The following ANGPT2 variants were observed in gnomAD, a reference collection of about 807,000 sequenced individuals.
ANGPT2 encodes angiopoietin-2.
Under a neutral mutation model 62.9 loss-of-function variants are expected in ANGPT2, and 28 were observed. The ratio of observed to expected loss-of-function variants is 0.44; its 90% CI spans 0.33 to 0.61. The LOEUF (loss-of-function observed/expected upper bound fraction) is 0.61, where lower values mean the gene tolerates loss of function less well. Ranked by LOEUF, ANGPT2 falls within the 20% of genes least tolerant of loss-of-function variation. The pLI is 0.03. For missense variants in ANGPT2, 727 were observed against 594.9 expected (o/e 1.22, Z -2.31); for synonymous variants, 284 against 207.8 (o/e 1.37, Z -3.15).
chr8:6,536,048 C>A (rs962830153), intron 1 of ANGPT2, among the ~76,000 whole-genome samples: 3 of 151,898 alleles, frequency 2.0e-5, no homozygotes, highest in Admixed American at 2.0e-4. Context: ...CAGAGTGAGA[C>A]CTTGTCTCAA....
chr8:6,551,144 A>G (rs1440879833), intron 1 of ANGPT2, among the ~76,000 whole-genome samples: 1 of 152,188 alleles, frequency 6.6e-6, no homozygotes, highest in East Asian at 1.9e-4. Flanking sequence ...ATCTGTGCTG[A>G]TGCTGACTTA....
intron 1 of ANGPT2, among the ~76,000 whole-genome samples, chr8:6,537,597 A>G (rs1006498934): frequency 3.3e-5 from 5 of 151,844 alleles, no homozygotes; most frequent in Non-Finnish European, 2.9e-5. Context: ...AGTGCAAAAT[A>G]TGTTCTGAAG....
intron 1 of ANGPT2, among the ~76,000 whole-genome samples, chr8:6,557,228 C>G (rs1014237551): frequency 2.0e-5 from 3 of 152,148 alleles, no homozygotes; most frequent in Non-Finnish European, 4.4e-5. Context: ...GCTGGGCAAT[C>G]CATACAAGGC....
rs78662277 is a variant in ANGPT2, at chr8:6,499,670, T to C, written c.*3431A>G. 6,914 of 573,610 alleles carry C rather than the reference T, an allele frequency of 0.012. 392 individuals are homozygous for C. Among genetic ancestry groups the C allele is most frequent in the African/African-American group, 0.11 (6,027 of 53,536 alleles). The allele number at this position is 573,610 out of a possible 1,614,324, so 35.5% of individuals were successfully genotyped here. On this transcript the variant is annotated 3_prime_UTR_variant, in exon 9 of 9. Transcript: ENST00000629816. Reference sequence around the variant, plus strand: ...TGAGACTTTTTCTCAATCAACTTTTTATTAATATTCATAACATTTATGCAA... The same window carrying C: ...TGAGACTTTTTCTCAATCAACTTTTCATTAATATTCATAACATTTATGCAA...
intron 1 of ANGPT2, among the ~76,000 whole-genome samples, chr8:6,532,710 G>A (rs1008073195): frequency 6.6e-6 from 1 of 152,004 alleles, no homozygotes; most frequent in Non-Finnish European, 1.5e-5. Context: ...GTCACATCAT[G>A]TAAAGGAGGG....
At chr8:6,514,806 G>T (rs1341144243) in intron 5 of ANGPT2, 28 bp from the exon 6 acceptor site, 1 of 1,596,748 alleles carries the variant, frequency 6.3e-7, no homozygotes, top group African/African-American at 1.3e-5. Flanking sequence ...GGGTATAAGT[G>T]ACAGAGCCCC....
Position 6,524,223 on chromosome 8 carries a change from G to A in ANGPT2, c.567-2813C>T, listed in dbSNP as rs556551965. ...CCTTTTTTGAGTCCCGTATAAGTCA[G>A]CTGTCTTATTTAATAATGAAATATG... On this transcript the variant is annotated intron_variant, in intron 3 of 8. Coordinates refer to ENST00000629816, the MANE Select transcript of ANGPT2 (RefSeq NM_001118887.2). 9.2e-5 allele frequency among the ~76,000 whole-genome samples: 14 copies of A among 152,220 alleles called. 1 individual carries two copies. The highest frequency in any genetic ancestry group is 3.1e-4 in the African/African-American group (13 of 41,528).
chr8:6,508,699 G>C (rs1181289889), intron 8 of ANGPT2: 1 of 624,794 alleles, frequency 1.6e-6, no homozygotes, highest in Non-Finnish European at 2.8e-6. Context: ...CCAGGGCTAG[G>C]TCCTGAGGAG....
chr8:6,521,509 T>G lies in ANGPT2; in HGVS notation c.567-99A>C, dbSNP rs1817331384. ...TCTCCAAGGTACTCTGTTAAGATATTGTAGTGGTTATAAAGTAATATGATG... is the reference window on the plus strand; with the variant it reads ...TCTCCAAGGTACTCTGTTAAGATATGGTAGTGGTTATAAAGTAATATGATG... On this transcript the variant is annotated intron_variant, in intron 3 of 8. Transcript: ENST00000629816. 5.6e-6 allele frequency: 5 copies of G among 886,136 alleles called. No homozygotes were observed. The East Asian group carries it at 1.3e-4, about 24-fold the overall frequency. 54.9% of individuals were successfully genotyped at this position (886,136 alleles called of 1,614,324 possible).
Position 6,563,080 on chromosome 8 carries a change from C to T in ANGPT2, c.-146G>A, listed in dbSNP as rs913020708. On this transcript the variant is annotated 5_prime_UTR_variant, in exon 1 of 9. Transcript: ENST00000629816. The stretch of plus-strand genomic sequence containing the variant: ...GAAAGTCTTCTCTTTCCTCTTTTTC[C>T]AGTAGCAAACCTGGTTTTTACTGCT... 3.5e-6 allele frequency: 3 copies of T among 852,400 alleles called. No homozygotes were observed. Among genetic ancestry groups the T allele is most frequent in the Non-Finnish European group, 5.2e-6 (3 of 574,276 alleles). 52.8% of individuals were successfully genotyped at this position (852,400 alleles called of 1,614,324 possible). A position where few individuals can be genotyped will look rare whatever the true frequency, so the allele number is the denominator to read the frequency against.
chr8:6,507,154 T>G (rs886944588), intron 8 of ANGPT2, among the ~76,000 whole-genome samples: 5 of 152,182 alleles, frequency 3.3e-5, no homozygotes, highest in African/African-American at 4.8e-5. Flanking sequence ...CACCTTGGCC[T>G]CCCAAAGTGC....
chr8:6,512,507 C>G (rs976461522), intron 7 of ANGPT2, among the ~76,000 whole-genome samples: 9 of 152,152 alleles, frequency 5.9e-5, no homozygotes, highest in African/African-American at 2.2e-4. Context: ...AATGTGTGCT[C>G]CATGATCACG....
intron 1 of ANGPT2, 120 bp from the exon 2 acceptor site, chr8:6,532,607 T>G: frequency 1.4e-6 from 1 of 717,430 alleles, no homozygotes; most frequent in Non-Finnish European, 2.0e-6. Flanking sequence ...TCAAAAGACT[T>G]GTACCTTGCC....
At chr8:6,504,337 A>AAG (rs1812834495) in intron 8 of ANGPT2, among the ~76,000 whole-genome samples, 1 of 149,670 alleles carries the variant, frequency 6.7e-6, no homozygotes, top group Non-Finnish European at 1.5e-5. Flanking sequence ...AAAAAAAAAA[A>AAG]GAATGTATAA....
At chr8:6,542,761 G>C (rs1259277187) in intron 1 of ANGPT2, among the ~76,000 whole-genome samples, 1 of 152,144 alleles carries the variant, frequency 6.6e-6, no homozygotes, top group Non-Finnish European at 1.5e-5. Context: ...GTGGAGCTCT[G>C]TGGAGGAGGT....
chr8:6,503,085 A>C lies in ANGPT2; in HGVS notation c.*16T>G. ...TGAAAATAGTTCGAGACAGTTCCTC[A>C]GGTGGACTGGGATGTTTAGAAATCT... On this transcript the variant is annotated 3_prime_UTR_variant, in exon 9 of 9. Coordinates refer to ENST00000629816, the MANE Select transcript of ANGPT2 (RefSeq NM_001118887.2). 1 of 1,614,034 alleles carries C rather than the reference A, an allele frequency of 6.2e-7. No individual in the cohort carries two copies. Among genetic ancestry groups the C allele is most frequent in the South Asian group, 1.1e-5 (1 of 91,054 alleles).
At position 6,513,756 on chromosome 8, in the gene ANGPT2, T is replaced by G; in HGVS notation, c.1118A>C (p.His373Pro). 1 of 1,613,974 alleles carries G rather than the reference T, an allele frequency of 6.2e-7. No individual in the cohort carries two copies. Among genetic ancestry groups the G allele is most frequent in the Non-Finnish European group, 8.5e-7 (1 of 1,179,942 alleles). Residue 373 changes from histidine (H) to proline (P), a missense_variant, in exon 7 of 9, where the codon CAC (histidine) becomes CCC (proline). Transcript: ENST00000629816. Reference protein sequence around the residue: ...TNQQRYVLKIHLKDWEGNEAY... With the variant: ...TNQQRYVLKIPLKDWEGNEAY... ...CTCATTCCCTTCCCAGTCTTTAAGG[T>G]GTATTTTAAGCACATAGCGTTGCTG...
chr8:6,524,972 G>A (rs948550785), intron 3 of ANGPT2, among the ~76,000 whole-genome samples: 3 of 152,234 alleles, frequency 2.0e-5, no homozygotes, highest in Non-Finnish European at 2.9e-5. Context: ...GACCTCAGGT[G>A]CATGTCTGTC....
chr8:6,503,188 C>T lies in ANGPT2; in HGVS notation c.1401G>A (p.Lys467=). 1 of 1,614,120 alleles carries T rather than the reference C, an allele frequency of 6.2e-7. No individual in the cohort carries two copies. Among genetic ancestry groups the T allele is most frequent in the Non-Finnish European group, 8.5e-7 (1 of 1,180,026 alleles). Residue 467 remains lysine, a synonymous_variant, in exon 9 of 9, where the codon AAG becomes AAA. Transcript: ENST00000629816. ...AGTAGTACCATTTAATGCCGTTGAA[C>T]TTATTTGTGTTCTGCCTCTGTGGAT... ...MYYPQRQNTN[K]FNGIKWYYWK...
Sources: gnomAD v4.1 joint callset for allele counts (sites outside exome capture counted in the v4.1 genomes callset) on GRCh38, gnomAD v4.1.1 for gene constraint, MANE v1.5 for transcripts, NCBI Gene and HGNC (gene_info 2026-07-23, HGNC 2026-07-21) for gene names.